The following LRRC49 variants were observed in gnomAD, a reference collection of about 807,000 sequenced individuals.
LRRC49 encodes the protein leucine-rich repeat-containing protein 49.
In LRRC49, 50 loss-of-function variants were observed where a neutral mutation model predicts 83.3. The ratio of observed to expected loss-of-function variants is 0.60; its 90% CI spans 0.48 to 0.76. The LOEUF (loss-of-function observed/expected upper bound fraction) is 0.76. LRRC49 is among the 30% of genes least tolerant of loss of function. The pLI is 0.00. For synonymous variants in LRRC49, 286 were observed against 283.3 expected (o/e 1.01, Z -0.10); for missense variants, 704 against 809.1 (o/e 0.87, Z 1.58).
intron 10 of LRRC49, 38 bp downstream of exon 10, chr15:70,980,222 C>CACATCCAT: frequency 1.4e-6 from 2 of 1,403,988 alleles, no homozygotes; most frequent in Non-Finnish European, 2.0e-6. Flanking sequence ...TGTGTGCACA[C>CACATCCAT]GTAGACACAC....
chr15:71,044,038 C>G (rs1197441039), intron 15 of LRRC49, among the ~76,000 whole-genome samples: 1 of 152,124 alleles, frequency 6.6e-6, no homozygotes, highest in Non-Finnish European at 1.5e-5. Flanking sequence ...TAAAATATTG[C>G]TCATTTTAGT....
intron 2 of LRRC49, among the ~76,000 whole-genome samples, chr15:70,876,800 C>T (rs2033161286): frequency 6.6e-6 from 1 of 152,182 alleles, no homozygotes; most frequent in African/African-American, 2.4e-5. Flanking sequence ...CATGCCATCT[C>T]TAACAAATTT....
intron 11 of LRRC49, among the ~76,000 whole-genome samples, chr15:71,006,871 A>G (rs796837223): frequency 9.2e-5 from 14 of 152,190 alleles, no homozygotes; most frequent in African/African-American, 2.9e-4. Flanking sequence ...AGCAACCTCA[A>G]TGAGATATAA....
Position 70,952,642 on chromosome 15 carries a change from G to A in LRRC49, c.774-11143G>A, listed in dbSNP as rs76287038. Among the ~76,000 whole-genome samples the A allele has an allele frequency of 5.1e-4, 77 of 152,208 alleles. No individual in the cohort carries two copies. In the East Asian group the frequency reaches 0.014, roughly 28 times the overall value. ...TGGAGTGTTCTGTAGATGTCTATTA[G>A]GTCCAGTTAGTCAAGTGTCAAGTTT... On this transcript the variant is annotated intron_variant, in intron 8 of 15. Transcript: ENST00000260382.
chr15:70,905,440 T>A (rs768158337), intron 5 of LRRC49, among the ~76,000 whole-genome samples: 13 of 152,168 alleles, frequency 8.5e-5, no homozygotes, highest in Non-Finnish European at 1.5e-4. Flanking sequence ...CATCTTTCCC[T>A]GCCTCCCACC....
chr15:70,884,401 C>T (rs182905696), intron 2 of LRRC49, among the ~76,000 whole-genome samples: 138 of 151,986 alleles, frequency 9.1e-4, no homozygotes, highest in South Asian at 3.7e-3. Flanking sequence ...CATGGTGGTA[C>T]ATCAGCTATT....
Position 70,923,886 on chromosome 15 carries a change from C to A in LRRC49, c.711+4693C>A, listed in dbSNP as rs552577277. On this transcript the variant is annotated intron_variant, in intron 7 of 15. Coordinates refer to ENST00000260382, the MANE Select transcript of LRRC49 (RefSeq NM_017691.5). ...AATGCCTCTTTATTGCCACATACTT[C>A]GGTATGTATTTCCTAAAAACAAGGA... 8.6e-5 allele frequency among the ~76,000 whole-genome samples: 13 copies of A among 151,874 alleles called. No individual in the cohort carries two copies. In the East Asian group the frequency reaches 2.3e-3, roughly 27 times the overall value.
At chr15:70,921,317 A>G (rs535237088) in intron 7 of LRRC49, among the ~76,000 whole-genome samples, 112 of 152,306 alleles carry the variant, frequency 7.4e-4, no homozygotes, top group African/African-American at 2.6e-3. Context: ...GAGGTGGTTA[A>G]TAATCTCTAT....
intron 7 of LRRC49, among the ~76,000 whole-genome samples, chr15:70,927,892 C>G (rs2141144307): frequency 6.6e-6 from 1 of 152,162 alleles, no homozygotes; most frequent in East Asian, 1.9e-4. Flanking sequence ...AAGTGATCCT[C>G]CCATCTTGGC....
chr15:70,980,280 CTT>C, intron 10 of LRRC49, 96 bp downstream of exon 10: 1 of 815,728 alleles, frequency 1.2e-6, no homozygotes, highest in Non-Finnish European at 1.9e-6. Context: ...GGTTTCTAAA[CTT>C]TGTAAGTTTT....
chr15:71,043,590 C>T (rs892240847), intron 15 of LRRC49, among the ~76,000 whole-genome samples: 3 of 152,114 alleles, frequency 2.0e-5, no homozygotes, highest in Non-Finnish European at 2.9e-5. Flanking sequence ...CTGGCAGACA[C>T]CTGATGACTT....
rs1020761984 is a variant in LRRC49, at chr15:71,050,212, CA to C, written c.*601del. 1 of 139,548 alleles carries C rather than the reference CA, an allele frequency of 7.2e-6. No homozygotes were observed. The highest frequency in any genetic ancestry group is 2.4e-5 in the African/African-American group (1 of 40,982). The allele number at this position is 139,548 out of a possible 1,614,324, so 8.6% of individuals were successfully genotyped here. A position where few individuals can be genotyped will look rare whatever the true frequency, so the allele number is the denominator to read the frequency against. On this transcript the variant is annotated 3_prime_UTR_variant, in exon 16 of 16. Coordinates refer to ENST00000260382, the MANE Select transcript of LRRC49 (RefSeq NM_017691.5). ...CTAGGAATGCATTCTCAGGGAACCA[CA>C]GGAGGTCCTGGGAATCACTATGGGC...
rs1457678661 is a variant in LRRC49, at chr15:70,900,724, A to G, written c.194-198A>G. ...GCAAGGGAAAAATTATTTGGCATAC[A>G]TGGAACACATAGTTTAGGTTTAAGA... is the stretch of plus-strand genomic sequence containing the variant. On this transcript the variant is annotated intron_variant, in intron 3 of 15. Coordinates refer to ENST00000260382, the MANE Select transcript of LRRC49 (RefSeq NM_017691.5). 1.5e-5 allele frequency: 8 copies of G among 536,928 alleles called. No homozygotes were observed. The East Asian group carries it at 1.7e-4, about 12-fold the overall frequency. 33.3% of individuals were successfully genotyped at this position (536,928 alleles called of 1,614,324 possible). A position where few individuals can be genotyped will look rare whatever the true frequency, so the allele number is the denominator to read the frequency against.
At chr15:70,879,487 G>T (rs958712746) in intron 2 of LRRC49, among the ~76,000 whole-genome samples, 1 of 152,134 alleles carries the variant, frequency 6.6e-6, no homozygotes, top group African/African-American at 2.4e-5. Context: ...TTAACAGCTG[G>T]TTAACTTGGC....
At chr15:70,890,081 C>T (rs1317408346), upstream of LRRC49, among the ~76,000 whole-genome samples, 1 of 152,152 alleles carries the variant, frequency 6.6e-6, no homozygotes, top group Non-Finnish European at 1.5e-5. Context: ...ATTATGTATG[C>T]TGGATCTGTT....
chr15:70,898,662 A>G (rs2033939077), intron 3 of LRRC49, among the ~76,000 whole-genome samples: 1 of 152,146 alleles, frequency 6.6e-6, no homozygotes, highest in Admixed American at 6.6e-5. Context: ...ACATGCCTGT[A>G]GTCCCAGGTA....
At chr15:71,039,963 A>G (rs775968078) in intron 15 of LRRC49, among the ~76,000 whole-genome samples, 1 of 152,208 alleles carries the variant, frequency 6.6e-6, no homozygotes, top group Admixed American at 6.5e-5. Context: ...CCAGTATTGC[A>G]TAGGAAAAGA....
At position 70,892,854 on chromosome 15, in the gene LRRC49, T is replaced by A. The variant is rs749757035; in HGVS notation, c.-41T>A. The A allele has an allele frequency of 6.2e-7, 1 of 1,614,190 alleles. No homozygotes were observed. Among genetic ancestry groups the A allele is most frequent in the Non-Finnish European group, 8.5e-7 (1 of 1,180,016 alleles). On this transcript the variant is annotated 5_prime_UTR_variant, in exon 1 of 16. Transcript: ENST00000260382. ...TTTGAATCTCCGCTGTAGCGTCACC[T>A]GGAAGGCAGATCTAACAGAGAACCT...
chr15:70,962,450 A>G (rs1482588279), intron 8 of LRRC49, among the ~76,000 whole-genome samples: 1 of 152,134 alleles, frequency 6.6e-6, no homozygotes, highest in Non-Finnish European at 1.5e-5. Flanking sequence ...CAGTAGCAAG[A>G]AGTACACTTA....
Sources: gnomAD v4.1 joint callset for allele counts (sites outside exome capture counted in the v4.1 genomes callset) on GRCh38, gnomAD v4.1.1 for gene constraint, MANE v1.5 for transcripts, NCBI Gene and HGNC (gene_info 2026-07-23, HGNC 2026-07-21) for gene names.